The following FAM240B variants were observed in gnomAD, a reference collection of about 807,000 sequenced individuals.
The protein encoded by FAM240B is protein FAM240B.
chr9:38,708,694 C>T (rs1194449104), intron 1 of FAM240B, among the ~76,000 whole-genome samples: 1 of 152,200 alleles, frequency 6.6e-6, no homozygotes, highest in Non-Finnish European at 1.5e-5. Context: ...AAATGCCCCT[C>T]CCCACATGCC....
chr9:38,717,503 A>T (rs942146035), intron 1 of FAM240B, among the ~76,000 whole-genome samples: 2 of 152,080 alleles, frequency 1.3e-5, no homozygotes, highest in South Asian at 4.2e-4. Flanking sequence ...TTTTTTGAGA[A>T]GGAGTCTCGC....
rs542718464 is a variant in FAM240B at position 38,699,706 on chromosome 9, C to T, written c.143+4151G>A. Reference sequence around the variant, plus strand: ...ATGGTGGATCCAGAAAGGGAGCGGCCGGCACTATCAGTCAACTATGCTCCC... The same window carrying T: ...ATGGTGGATCCAGAAAGGGAGCGGCTGGCACTATCAGTCAACTATGCTCCC... On this transcript the variant is annotated intron_variant, in intron 2 of 2. Transcript: ENST00000637493. Among the ~76,000 whole-genome samples, 12 of 152,288 alleles carry T rather than the reference C, an allele frequency of 7.9e-5. No homozygotes were observed. In the South Asian group the frequency reaches 2.5e-3, roughly 32 times the overall value.
In FAM240B at chr9:38,703,920, A is replaced by G. The variant is rs781144817; in HGVS notation, c.80T>C (p.Ile27Thr). Residue 27 changes from isoleucine to threonine, a missense_variant, in exon 2 of 3, where the codon ATT becomes ACT. Ile to Thr is a moderately conservative substitution (Grantham distance 89). Coordinates refer to ENST00000637493, the MANE Select transcript of FAM240B (RefSeq NM_001394922.1). ...HELKSFWEKE[I>T]SKQTFYRELE... ...TTCTCGGTAAAAAGTCTGTTTGCTA[A>G]TTTCTTTTTCCCAGAAGCTTTTGAG... 4.0e-5 allele frequency: 16 copies of G among 400,444 alleles called. No homozygotes were observed. Among genetic ancestry groups the G allele is most frequent in the African/African-American group, 6.2e-5 (3 of 48,666 alleles). 24.8% of individuals were successfully genotyped at this position (400,444 alleles called of 1,614,324 possible).
intron 1 of FAM240B, among the ~76,000 whole-genome samples, chr9:38,711,268 G>A (rs1342890640): frequency 1.3e-5 from 2 of 152,228 alleles, no homozygotes; most frequent in Middle Eastern, 3.2e-3. Context: ...AGCACCAAAC[G>A]TGTTTGTTTA....
chr9:38,714,793 C>A (rs1821291191), intron 1 of FAM240B, among the ~76,000 whole-genome samples: 1 of 152,246 alleles, frequency 6.6e-6, no homozygotes, highest in Middle Eastern at 3.4e-3. Flanking sequence ...GAAACGGTCA[C>A]AGATTGGAGG....
chr9:38,714,778 A>C (rs1373004343), intron 1 of FAM240B, among the ~76,000 whole-genome samples: 2 of 152,224 alleles, frequency 1.3e-5, no homozygotes, highest in Non-Finnish European at 2.9e-5. Context: ...AAAGATAAAG[A>C]CTGAGAAACG....
intron 2 of FAM240B, 84 bp from the exon 3 acceptor site, chr9:38,694,953 T>C: frequency 2.5e-6 from 1 of 397,964 alleles, no homozygotes; most frequent in Non-Finnish European, 4.4e-6. Flanking sequence ...GTTTTTCTTC[T>C]CCAAGATATT....
intron 1 of FAM240B, among the ~76,000 whole-genome samples, chr9:38,708,572 G>A (rs147331602): frequency 1.5e-3 from 230 of 152,296 alleles, no homozygotes; most frequent in Non-Finnish European, 1.9e-3. Context: ...TTGTGACTTT[G>A]AGCAAGAAAG....
intron 1 of FAM240B, among the ~76,000 whole-genome samples, chr9:38,707,588 G>A (rs1188662202): frequency 1.4e-5 from 2 of 139,462 alleles, no homozygotes; most frequent in African/African-American, 2.6e-5. Flanking sequence ...CTTACACGAT[G>A]AAACCCCGTC....
intron 1 of FAM240B, among the ~76,000 whole-genome samples, chr9:38,712,864 T>C (rs1821270817): frequency 6.6e-6 from 1 of 152,196 alleles, no homozygotes; most frequent in Non-Finnish European, 1.5e-5. Flanking sequence ...GAACCCACAA[T>C]GTCTGATGCC....
chr9:38,714,890 C>A (rs948599668), intron 1 of FAM240B, among the ~76,000 whole-genome samples: 10 of 152,132 alleles, frequency 6.6e-5, no homozygotes, highest in Admixed American at 4.6e-4. Flanking sequence ...GAAAAACAGA[C>A]AATAAGTAGT....
At chr9:38,708,433 A>G (rs1457554273) in intron 1 of FAM240B, among the ~76,000 whole-genome samples, 1 of 151,950 alleles carries the variant, frequency 6.6e-6, no homozygotes, top group Non-Finnish European at 1.5e-5. Context: ...CAGCCCACTC[A>G]CTAGGGGTCA....
At chr9:38,696,580 C>T (rs1057248351) in intron 2 of FAM240B, among the ~76,000 whole-genome samples, 3 of 152,062 alleles carry the variant, frequency 2.0e-5, no homozygotes, top group South Asian at 2.1e-4. Flanking sequence ...GAGGCCAAGG[C>T]GGGCAGATCA....
At chr9:38,719,889 G>A (rs930488777) in intron 1 of FAM240B, 133 bp downstream of exon 1, 3 of 152,204 alleles carry the variant, frequency 2.0e-5, no homozygotes, top group Non-Finnish European at 2.9e-5. Flanking sequence ...CAGCGTAGGT[G>A]TTCAAGGTGA....
In FAM240B at chr9:38,696,048, T is replaced by C. The variant is rs545588514; in HGVS notation, c.144-1179A>G. On this transcript the variant is annotated intron_variant, in intron 2 of 2. Transcript: ENST00000637493. ...ACGTGTGTGTTTCCCCTCAAATTCATATATCTAATTCCTAACTTCCAAGGG... is the reference window on the plus strand; with the variant it reads ...ACGTGTGTGTTTCCCCTCAAATTCACATATCTAATTCCTAACTTCCAAGGG... 1.3e-3 allele frequency among the ~76,000 whole-genome samples: 192 copies of C among 152,288 alleles called. 1 individual carries two copies. The South Asian group carries it at 0.026, about 21-fold the overall frequency.
intron 1 of FAM240B, among the ~76,000 whole-genome samples, chr9:38,713,456 C>A (rs12351516): frequency 8.5e-6 from 1 of 117,304 alleles, no homozygotes; most frequent in Non-Finnish European, 1.6e-5. Context: ...CCAGCCTGGG[C>A]TACAGAGTGA....
chr9:38,696,299 G>A (rs1367123525), intron 2 of FAM240B, among the ~76,000 whole-genome samples: 3 of 151,978 alleles, frequency 2.0e-5, no homozygotes, highest in Admixed American at 6.6e-5. Context: ...TATTTTCCTC[G>A]GAGTGGCTCC....
intron 1 of FAM240B, among the ~76,000 whole-genome samples, chr9:38,718,784 A>G (rs1194568532): frequency 1.3e-5 from 2 of 152,116 alleles, no homozygotes; most frequent in Non-Finnish European, 2.9e-5. Flanking sequence ...CTAACTGTAG[A>G]TAGTTATTTT....
intron 2 of FAM240B, among the ~76,000 whole-genome samples, chr9:38,698,558 TC>T (rs890913515): frequency 6.6e-6 from 1 of 152,242 alleles, no homozygotes; most frequent in Non-Finnish European, 1.5e-5. Context: ...AATACATTTT[TC>T]CTCCAGAGAG....
Sources: allele counts gnomAD v4.1 joint callset (sites outside exome capture counted in the v4.1 genomes callset), GRCh38; gene constraint gnomAD v4.1.1; transcripts MANE v1.5; gene names NCBI Gene and HGNC (gene_info 2026-07-23, HGNC 2026-07-21).